MACROD2: variants seen among roughly 807,000 people sequenced by gnomAD.
MACROD2 encodes mono-ADP ribosylhydrolase 2.
In MACROD2, 36 loss-of-function variants were observed where a neutral mutation model predicts 70.4. The ratio of observed to expected loss-of-function variants is 0.51; its 90% CI spans 0.39 to 0.68. MACROD2 has a LOEUF of 0.68. MACROD2 is among the 30% of genes least tolerant of loss of function. MACROD2 has a pLI of 0.00. For synonymous variants in MACROD2, 172 were observed against 178.8 expected, an observed-to-expected ratio of 0.96 and a Z score of 0.30; for missense variants, 496 against 538.4, an observed-to-expected ratio of 0.92 and a Z score of 0.78.
chr20:15,271,889 G>A (rs1026102276), intron 6 of MACROD2, among the ~76,000 whole-genome samples: 3 of 152,144 alleles, frequency 2.0e-5, no homozygotes, highest in Non-Finnish European at 4.4e-5. Flanking sequence ...ACAGTTATGT[G>A]GAAATACTTC....
intron 2 of MACROD2, among the ~76,000 whole-genome samples, chr20:14,047,563 T>A (rs138013009): frequency 6.6e-6 from 1 of 152,312 alleles, no homozygotes; most frequent in African/African-American, 2.4e-5. Context: ...TTTTTTTTCC[T>A]TAAGCTGGGT....
chr20:14,143,487 G>C (rs2054903377), intron 3 of MACROD2, among the ~76,000 whole-genome samples: 1 of 151,766 alleles, frequency 6.6e-6, no homozygotes. Context: ...TGATAATTCT[G>C]TTTAATGTGG....
chr20:15,345,651 T>G (rs564723932), intron 6 of MACROD2, among the ~76,000 whole-genome samples: 1 of 152,372 alleles, frequency 6.6e-6, no homozygotes, highest in African/African-American at 2.4e-5. Flanking sequence ...TAAATGTGGC[T>G]AACGCGACTG....
intron 5 of MACROD2, chr20:14,934,858 A>T (rs922875570): frequency 6.6e-6 from 1 of 152,088 alleles, no homozygotes; most frequent in African/African-American, 2.4e-5. Flanking sequence ...GGAGGAGGAG[A>T]TTTATGTAGA....
At chr20:15,932,726 T>C (rs2065598166) in intron 10 of MACROD2, among the ~76,000 whole-genome samples, 3 of 152,218 alleles carry the variant, frequency 2.0e-5, no homozygotes, top group Admixed American at 2.0e-4. Flanking sequence ...ACAGCCTTCA[T>C]TGCACCTGAC....
At chr20:15,103,314 C>T (rs1024991086) in intron 5 of MACROD2, among the ~76,000 whole-genome samples, 1 of 152,100 alleles carries the variant, frequency 6.6e-6, no homozygotes, top group African/African-American at 2.4e-5. Context: ...TGTAGACTTG[C>T]CAAGTCCAGT....
intron 5 of MACROD2, among the ~76,000 whole-genome samples, chr20:14,769,368 C>T (rs779752006): frequency 6.6e-6 from 1 of 152,072 alleles, no homozygotes; most frequent in African/African-American, 2.4e-5. Flanking sequence ...GAAATTTGTA[C>T]TACACTTATT....
chr20:15,069,881 A>G (rs2075605948), intron 5 of MACROD2, among the ~76,000 whole-genome samples: 1 of 152,208 alleles, frequency 6.6e-6, no homozygotes, highest in Non-Finnish European at 1.5e-5. Flanking sequence ...TGGAGCTACC[A>G]TACAGAATCC....
chr20:14,789,298 G>A (rs2072417626), intron 5 of MACROD2, among the ~76,000 whole-genome samples: 1 of 151,464 alleles, frequency 6.6e-6, no homozygotes, highest in South Asian at 2.1e-4. Flanking sequence ...ACCATCCCTG[G>A]TTTTCATTAG....
Position 15,202,980 on chromosome 20 carries a change from A to G in MACROD2, c.419-26960A>G, listed in dbSNP as rs541674511. Among the ~76,000 whole-genome samples, 8 of 152,312 alleles carry G rather than the reference A, an allele frequency of 5.3e-5. No homozygotes were observed. The East Asian group carries it at 1.5e-3, about 29-fold the overall frequency. On this transcript the variant is annotated intron_variant, in intron 5 of 17. Transcript: ENST00000684519. Reference sequence around the variant, plus strand: ...TCCTGGCAACAGTGAACTTAGCTAAATATTAAGTTTCTGTTACTTTGAAGA... The same window carrying G: ...TCCTGGCAACAGTGAACTTAGCTAAGTATTAAGTTTCTGTTACTTTGAAGA...
chr20:14,379,155 G>GAAAAC (rs1466244955), intron 3 of MACROD2, among the ~76,000 whole-genome samples: 1 of 151,988 alleles, frequency 6.6e-6, no homozygotes, highest in African/African-American at 2.4e-5. Context: ...TCTTATTTTA[G>GAAAAC]AAAACAAAAC....
intron 4 of MACROD2, among the ~76,000 whole-genome samples, chr20:14,653,365 C>T (rs191041611): frequency 1.3e-5 from 2 of 151,990 alleles, no homozygotes; most frequent in East Asian, 1.9e-4. Context: ...ACTACAGGCG[C>T]CCGCCACCAA....
intron 3 of MACROD2, among the ~76,000 whole-genome samples, chr20:14,315,040 A>G (rs889641484): frequency 1.3e-5 from 2 of 152,146 alleles, no homozygotes; most frequent in South Asian, 2.1e-4. Context: ...TATGAATTGT[A>G]TATATAATTT....
chr20:14,922,051 T>C (rs569571937), intron 5 of MACROD2, among the ~76,000 whole-genome samples: 5 of 152,166 alleles, frequency 3.3e-5, no homozygotes, highest in Non-Finnish European at 5.9e-5. Flanking sequence ...CAACTTGGAG[T>C]TGGGAAGAAC....
chr20:14,953,356 G>A (rs1226276378), intron 5 of MACROD2, among the ~76,000 whole-genome samples: 1 of 152,074 alleles, frequency 6.6e-6, no homozygotes, highest in Non-Finnish European at 1.5e-5. Context: ...GCCCAGGTTG[G>A]AGTGCAGTGG....
chr20:15,869,238 T>TATATAGAGAGAGAGAGAG lies in MACROD2; in HGVS notation c.727+6413_727+6414insTATAGAGAGAGAGAGAGA. 9.0e-3 allele frequency among the ~76,000 whole-genome samples: 255 copies of TATATAGAGAGAGAGAGAG among 28,280 alleles called. 6 individuals carry two copies. Among genetic ancestry groups the TATATAGAGAGAGAGAGAG allele is most frequent in the Non-Finnish European group, 0.013 (165 of 13,026 alleles). The allele number at this position is 28,280 out of a possible 152,430, so 18.6% of individuals were successfully genotyped here. On this transcript the variant is annotated intron_variant, in intron 9 of 17. Transcript: ENST00000684519. ...ATATATATATATATATATATATATA[T>TATATAGAGAGAGAGAGAG]AGAGAGAGAGAGAGAGAGAGAGAGA...
At chr20:14,582,598 A>G (rs999517521) in intron 4 of MACROD2, among the ~76,000 whole-genome samples, 1 of 152,172 alleles carries the variant, frequency 6.6e-6, no homozygotes, top group Non-Finnish European at 1.5e-5. Context: ...TGCAGAGAGA[A>G]AAATGGTGCT....
chr20:15,402,679 A>G (rs1568780058), intron 6 of MACROD2, among the ~76,000 whole-genome samples: 1 of 152,230 alleles, frequency 6.6e-6, no homozygotes, highest in Non-Finnish European at 1.5e-5. Flanking sequence ...AAATGGGGCA[A>G]GAGCAAAGAA....
At chr20:14,748,756 A>G (rs1234023649) in intron 5 of MACROD2, among the ~76,000 whole-genome samples, 2 of 152,114 alleles carry the variant, frequency 1.3e-5, no homozygotes, top group Admixed American at 1.3e-4. Flanking sequence ...TAGAAATTCT[A>G]AAGTGGAGAG....
Sources: gnomAD v4.1 joint callset for allele counts (sites outside exome capture counted in the v4.1 genomes callset) on GRCh38, gnomAD v4.1.1 for gene constraint, MANE v1.5 for transcripts, NCBI Gene and HGNC (gene_info 2026-07-23, HGNC 2026-07-21) for gene names.